Variants in LRRIQ3 observed in about 807,000 individuals in gnomAD.
LRRIQ3 encodes leucine rich repeats and IQ motif containing 3, also known as leucine-rich repeat and IQ domain-containing protein 3.
A neutral mutation model predicts 59.3 loss-of-function variants in LRRIQ3; 75 were observed. That is an observed-to-expected ratio of 1.26 (90% CI 1.05 to 1.53). The LOEUF (loss-of-function observed/expected upper bound fraction) is 1.53. LRRIQ3 is among the 40% of genes most tolerant of loss of function. The probability of loss-of-function intolerance (pLI) is 0.00; values close to 1 mark genes in which losing one functional copy is unlikely to be tolerated. For missense variants in LRRIQ3, 831 were observed against 710.0 expected (o/e 1.17, Z -1.94); for synonymous variants, 250 against 231.3 (o/e 1.08, Z -0.73).
At chr1:74,125,466 C>T (rs1339811081) in intron 4 of LRRIQ3, among the ~76,000 whole-genome samples, 1 of 151,810 alleles carries the variant, frequency 6.6e-6, no homozygotes, top group Non-Finnish European at 1.5e-5. Flanking sequence ...TTTTCCTATT[C>T]AGTCTGAATC....
intron 3 of LRRIQ3, among the ~76,000 whole-genome samples, chr1:74,172,057 C>T (rs1032347475): frequency 6.6e-6 from 1 of 151,990 alleles, no homozygotes; most frequent in Admixed American, 6.6e-5. Flanking sequence ...TTTTAAAAAG[C>T]CAACTGAATT....
chr1:74,045,564 CCT>C (rs1654176677), intron 6 of LRRIQ3, among the ~76,000 whole-genome samples: 1 of 152,220 alleles, frequency 6.6e-6, no homozygotes, highest in African/African-American at 2.4e-5. Flanking sequence ...ACAAGCTTGC[CCT>C]CTCTCACCAC....
At chr1:74,088,467 A>G (rs1646355294) in intron 5 of LRRIQ3, among the ~76,000 whole-genome samples, 1 of 152,108 alleles carries the variant, frequency 6.6e-6, no homozygotes, top group Admixed American at 6.6e-5. Context: ...AAAATTATAT[A>G]TACAGACATA....
At chr1:74,067,876 G>C (rs962682591) in intron 6 of LRRIQ3, among the ~76,000 whole-genome samples, 1 of 151,970 alleles carries the variant, frequency 6.6e-6, no homozygotes, top group Non-Finnish European at 1.5e-5. Context: ...TATGTGCAAG[G>C]CCCTAATTTT....
chr1:74,177,846 C>T (rs2184058), intron 3 of LRRIQ3, among the ~76,000 whole-genome samples: 6 of 151,852 alleles, frequency 4.0e-5, no homozygotes, highest in African/African-American at 1.2e-4. Flanking sequence ...AATGCAAGCC[C>T]TATGTGCTTA....
At chr1:74,051,894 A>T (rs1178465757) in intron 6 of LRRIQ3, among the ~76,000 whole-genome samples, 2 of 152,150 alleles carry the variant, frequency 1.3e-5, no homozygotes, top group Non-Finnish European at 2.9e-5. Context: ...TTTTAGGTAG[A>T]ACAAAATATT....
intron 1 of LRRIQ3, among the ~76,000 whole-genome samples, chr1:74,192,669 A>G (rs952738579): frequency 1.3e-5 from 2 of 152,110 alleles, no homozygotes; most frequent in Non-Finnish European, 2.9e-5. Context: ...CAGTATATAA[A>G]CAACCTTAAT....
chr1:74,165,242 G>A (rs987006987), intron 3 of LRRIQ3, among the ~76,000 whole-genome samples: 23 of 151,368 alleles, frequency 1.5e-4, no homozygotes, highest in Non-Finnish European at 1.8e-4. Flanking sequence ...TATAAATTTC[G>A]GTAGAATTGA....
intron 4 of LRRIQ3, among the ~76,000 whole-genome samples, chr1:74,139,710 T>C (rs919068603): frequency 6.6e-6 from 1 of 151,860 alleles, no homozygotes; most frequent in African/African-American, 2.4e-5. Flanking sequence ...ATACTGACTA[T>C]ATAAAAATAA....
At chr1:74,140,888 T>A (rs1230002510) in intron 4 of LRRIQ3, among the ~76,000 whole-genome samples, 1 of 151,828 alleles carries the variant, frequency 6.6e-6, no homozygotes, top group Non-Finnish European at 1.5e-5. Context: ...CCTTCCAATA[T>A]AAAAACATAC....
At chr1:74,134,264 T>A (rs892397318) in intron 4 of LRRIQ3, among the ~76,000 whole-genome samples, 4 of 151,992 alleles carry the variant, frequency 2.6e-5, no homozygotes, top group African/African-American at 9.7e-5. Context: ...TCTTTATTGA[T>A]GAAATGATAA....
In LRRIQ3 at chr1:74,162,730, C is replaced by T. The variant is rs142866730; in HGVS notation, c.574-6864G>A. ...CCCTACTTCCACGTTTTTAGTTCTA[C>T]GATCTAGTCCATAAAGTTTATCTTT... is the stretch of plus-strand genomic sequence containing the variant. On this transcript the variant is annotated intron_variant, in intron 3 of 7. Transcript: ENST00000354431. Among the ~76,000 whole-genome samples, 25 of 151,702 alleles carry T rather than the reference C, an allele frequency of 1.6e-4. No homozygotes were observed. In the East Asian group the frequency reaches 3.1e-3, roughly 19 times the overall value.
intron 4 of LRRIQ3, among the ~76,000 whole-genome samples, chr1:74,154,854 T>C (rs1421415883): frequency 7.2e-5 from 11 of 152,242 alleles, no homozygotes; most frequent in African/African-American, 2.4e-4. Flanking sequence ...TGGAAAATTA[T>C]GTGGAACCAC....
intron 5 of LRRIQ3, among the ~76,000 whole-genome samples, chr1:74,080,780 G>A (rs1034921656): frequency 4.6e-5 from 7 of 151,574 alleles, no homozygotes; most frequent in African/African-American, 1.7e-4. Context: ...GTGTCTGGCA[G>A]CACAGCCTCT....
At chr1:74,160,121 T>C (rs919954175) in intron 3 of LRRIQ3, among the ~76,000 whole-genome samples, 6 of 152,108 alleles carry the variant, frequency 3.9e-5, no homozygotes, top group African/African-American at 1.4e-4. Context: ...TCTTGCAAGA[T>C]AAAGTCCTGT....
chr1:74,100,457 A>G (rs1270745630), intron 5 of LRRIQ3, among the ~76,000 whole-genome samples: 1 of 152,204 alleles, frequency 6.6e-6, no homozygotes, highest in Admixed American at 6.5e-5. Context: ...AGGAAGAATC[A>G]ATATCATGAA....
chr1:74,098,558 T>C (rs937765927), intron 5 of LRRIQ3, among the ~76,000 whole-genome samples: 4 of 152,138 alleles, frequency 2.6e-5, no homozygotes, highest in Non-Finnish European at 2.9e-5. Context: ...GCAGACCTAA[T>C]AGACATCTAC....
intron 6 of LRRIQ3, among the ~76,000 whole-genome samples, chr1:74,053,898 C>A (rs1486103470): frequency 2.0e-5 from 3 of 152,042 alleles, no homozygotes; most frequent in Non-Finnish European, 4.4e-5. Flanking sequence ...AACAACAGGA[C>A]CTCTCATTCA....
intron 4 of LRRIQ3, among the ~76,000 whole-genome samples, chr1:74,111,398 G>A (rs1391355437): frequency 6.6e-6 from 1 of 151,990 alleles, no homozygotes; most frequent in Non-Finnish European, 1.5e-5. Context: ...CAAATACCAA[G>A]TGCAAAGAAC....
Sources: allele counts gnomAD v4.1 joint callset (sites outside exome capture counted in the v4.1 genomes callset), GRCh38; gene constraint gnomAD v4.1.1; transcripts MANE v1.5; gene names NCBI Gene and HGNC (gene_info 2026-07-23, HGNC 2026-07-21).